The following ANK2 variants were observed in gnomAD, a reference collection of about 807,000 sequenced individuals.
The protein encoded by ANK2 is ankyrin 2.
Under a neutral mutation model 360.5 loss-of-function variants are expected in ANK2, and 83 were observed. The ratio of observed to expected loss-of-function variants is 0.23; its 90% CI spans 0.19 to 0.28. The LOEUF (loss-of-function observed/expected upper bound fraction) is 0.28. Ranked by LOEUF, ANK2 falls within the 10% of genes least tolerant of loss-of-function variation. ANK2 has a pLI of 1.00. For missense variants in ANK2, 4,201 were observed against 4,795.7 expected (o/e 0.88, Z 3.66); for synonymous variants, 1,740 against 1,759.5 (o/e 0.99, Z 0.28).
intron 2 of ANK2, among the ~76,000 whole-genome samples, chr4:112,930,801 T>C (rs570636872): frequency 6.8e-6 from 1 of 146,838 alleles, no homozygotes; most frequent in African/African-American, 2.5e-5. Context: ...GGCAGGAGAA[T>C]CCCTTGAACC....
intron 2 of ANK2, among the ~76,000 whole-genome samples, chr4:113,001,765 T>C (rs1038542700): frequency 6.6e-6 from 1 of 152,044 alleles, no homozygotes; most frequent in Non-Finnish European, 1.5e-5. Context: ...CTCAGGCTTC[T>C]CTCCTCTCGC....
intron 1 of ANK2, among the ~76,000 whole-genome samples, chr4:113,120,211 G>A (rs1229598260): frequency 6.6e-6 from 1 of 152,146 alleles, no homozygotes; most frequent in East Asian, 1.9e-4. Context: ...AATAGGCAAA[G>A]ATTAAGATGA....
chr4:112,960,378 AT>A (rs1234508907), intron 2 of ANK2, among the ~76,000 whole-genome samples: 1 of 151,680 alleles, frequency 6.6e-6, no homozygotes, highest in Non-Finnish European at 1.5e-5. Context: ...GTGGTACCTA[AT>A]TTCCAAAGCC....
At chr4:113,156,124 G>T (rs964363595) in intron 1 of ANK2, among the ~76,000 whole-genome samples, 1 of 152,100 alleles carries the variant, frequency 6.6e-6, no homozygotes, top group Non-Finnish European at 1.5e-5. Context: ...AGTTTTTATG[G>T]CAGTGTTGCT....
At chr4:113,242,834 G>A (rs954544751) in intron 9 of ANK2, among the ~76,000 whole-genome samples, 5 of 152,110 alleles carry the variant, frequency 3.3e-5, no homozygotes, top group African/African-American at 4.8e-5. Context: ...GTAGAGTTCA[G>A]TTGTTAAAAG....
chr4:113,139,623 A>C (rs561548129), intron 1 of ANK2, among the ~76,000 whole-genome samples: 10 of 152,316 alleles, frequency 6.6e-5, no homozygotes, highest in Admixed American at 4.6e-4. Flanking sequence ...GATAGAACAT[A>C]GAATTAGTCA....
At chr4:113,307,074 A>G (rs553993713) in intron 23 of ANK2, among the ~76,000 whole-genome samples, 1 of 152,326 alleles carries the variant, frequency 6.6e-6, no homozygotes, top group South Asian at 2.1e-4. Flanking sequence ...AAATGCCCAT[A>G]GGAATGTGAC....
chr4:112,772,019 GAGA>G, the ANK2 span, among the ~76,000 whole-genome samples: 1 of 152,138 alleles, frequency 6.6e-6, no homozygotes, highest in Non-Finnish European at 1.5e-5. Flanking sequence ...GCTGCTTCAG[GAGA>G]AGGTCAGAAA....
At chr4:113,106,325 G>T (rs2154362746) in intron 1 of ANK2, among the ~76,000 whole-genome samples, 1 of 152,206 alleles carries the variant, frequency 6.6e-6, no homozygotes, top group Non-Finnish European at 1.5e-5. Flanking sequence ...AATTCAGATG[G>T]GTTATTTCAG....
the ANK2 span, among the ~76,000 whole-genome samples, chr4:112,730,385 C>T: frequency 5.3e-5 from 8 of 151,118 alleles, no homozygotes; most frequent in Non-Finnish European, 1.0e-4. Context: ...GCCTGTAATC[C>T]CAGCACTTTG....
At chr4:112,941,931 A>T (rs1040678172) in intron 2 of ANK2, among the ~76,000 whole-genome samples, 1 of 151,062 alleles carries the variant, frequency 6.6e-6, no homozygotes, top group East Asian at 1.9e-4. Flanking sequence ...TAAGGTTGTT[A>T]TAAAGATTAA....
intron 1 of ANK2, among the ~76,000 whole-genome samples, chr4:113,084,221 T>G (rs556344591): frequency 6.6e-6 from 1 of 152,348 alleles, no homozygotes; most frequent in East Asian, 1.9e-4. Flanking sequence ...TTCTGTAACC[T>G]GTTGTATGGT....
intron 23 of ANK2, among the ~76,000 whole-genome samples, chr4:113,304,397 C>T (rs1478635901): frequency 2.6e-5 from 4 of 152,102 alleles, no homozygotes; most frequent in African/African-American, 9.7e-5. Flanking sequence ...TTTGAAATAG[C>T]ATGTGTAATA....
rs143385016 is a variant in ANK2 at position 113,227,756 on chromosome 4, C to A, written c.385-4405C>A. Among the ~76,000 whole-genome samples, 40 of 152,266 alleles carry A rather than the reference C, an allele frequency of 2.6e-4. No individual in the cohort carries two copies. In the East Asian group the frequency reaches 4.8e-3, roughly 18 times the overall value. ...TTAGCTCAAGACTTTGGCTTAATTA[C>A]GTAGGTATTTGAGCCTCAGCTGCCT... On this transcript the variant is annotated intron_variant, in intron 4 of 45. Transcript: ENST00000357077.
At chr4:113,315,069 CT>C (rs201060283) in intron 24 of ANK2, among the ~76,000 whole-genome samples, 1 of 152,132 alleles carries the variant, frequency 6.6e-6, no homozygotes, top group Non-Finnish European at 1.5e-5. Context: ...CTCCTTCTTT[CT>C]TTTCTTATCC....
intron 17 of ANK2, among the ~76,000 whole-genome samples, chr4:113,281,766 G>A (rs1021977801): frequency 3.3e-5 from 5 of 152,068 alleles, no homozygotes; most frequent in Admixed American, 3.3e-4. Flanking sequence ...TAAACATGGG[G>A]TATAGAGTTT....
At chr4:113,221,202 C>T (rs1418043518) in intron 4 of ANK2, among the ~76,000 whole-genome samples, 1 of 152,050 alleles carries the variant, frequency 6.6e-6, no homozygotes, top group East Asian at 1.9e-4. Flanking sequence ...GTAACAACAA[C>T]GTGAGGAGGT....
chr4:113,052,579 AATTT>A (rs1472892329), intron 1 of ANK2, among the ~76,000 whole-genome samples: 2 of 152,172 alleles, frequency 1.3e-5, no homozygotes, highest in East Asian at 3.9e-4. Context: ...CTCAAGGAGG[AATTT>A]ATTTATGTCA....
chr4:112,708,820 AT>A, the ANK2 span, among the ~76,000 whole-genome samples: 1 of 152,220 alleles, frequency 6.6e-6, no homozygotes, highest in East Asian at 1.9e-4. Flanking sequence ...GTAGGATTGA[AT>A]TCGTTTGCAT....
Sources: allele counts gnomAD v4.1 joint callset (sites outside exome capture counted in the v4.1 genomes callset), GRCh38; gene constraint gnomAD v4.1.1; transcripts MANE v1.5; gene names NCBI Gene and HGNC (gene_info 2026-07-23, HGNC 2026-07-21).